FUT8: variants seen among roughly 807,000 people sequenced by gnomAD.
FUT8 encodes the protein fucosyltransferase 8, also known as alpha-(1,6)-fucosyltransferase.
A neutral mutation model predicts 71.3 loss-of-function variants in FUT8; 29 were observed. That is an observed-to-expected ratio of 0.41 (90% CI 0.30 to 0.55). The LOEUF is 0.55. FUT8 is among the 20% of genes least tolerant of loss of function. FUT8 has a pLI of 0.34. For missense variants in FUT8, 544 were observed against 702.1 expected (o/e 0.77, Z 2.55); for synonymous variants, 254 against 239.3 (o/e 1.06, Z -0.57).
At chr14:65,451,796 T>C (rs2065830402) in intron 1 of FUT8, among the ~76,000 whole-genome samples, 1 of 152,222 alleles carries the variant, frequency 6.6e-6, no homozygotes, top group Non-Finnish European at 1.5e-5. Context: ...CAAGCTGTCC[T>C]TCTGAAGTCA....
chr14:65,427,283 A>G (rs543306182), intron 1 of FUT8, among the ~76,000 whole-genome samples: 2 of 152,200 alleles, frequency 1.3e-5, no homozygotes, highest in East Asian at 3.9e-4. Context: ...TGACATACTG[A>G]TTTCATTTCC....
At chr14:65,541,761 T>C (rs1032333124) in intron 2 of FUT8, among the ~76,000 whole-genome samples, 7 of 152,210 alleles carry the variant, frequency 4.6e-5, no homozygotes, top group African/African-American at 1.7e-4. Flanking sequence ...CCCAGTCACG[T>C]TGACATAAAA....
intron 1 of FUT8, among the ~76,000 whole-genome samples, chr14:65,422,572 C>T (rs1338401626): frequency 6.6e-6 from 1 of 152,058 alleles, no homozygotes; most frequent in African/African-American, 2.4e-5. Flanking sequence ...GATCATAGCT[C>T]ACCGCAGTCT....
At chr14:65,459,541 G>A (rs2065942444) in intron 2 of FUT8, among the ~76,000 whole-genome samples, 1 of 152,062 alleles carries the variant, frequency 6.6e-6, no homozygotes, top group African/African-American at 2.4e-5. Flanking sequence ...ATATTAAATT[G>A]AGTAATTTAA....
chr14:65,623,917 C>T (rs1315200772), intron 5 of FUT8, among the ~76,000 whole-genome samples: 1 of 152,160 alleles, frequency 6.6e-6, no homozygotes, highest in Admixed American at 6.5e-5. Context: ...AAAACCACAA[C>T]AGCCAGATTC....
At chr14:65,579,370 C>G (rs1886956917) in intron 3 of FUT8, among the ~76,000 whole-genome samples, 1 of 152,042 alleles carries the variant, frequency 6.6e-6, no homozygotes, top group African/African-American at 2.4e-5. Context: ...TTTGTGTGAT[C>G]AGAGATCCCC....
chr14:65,469,907 C>T (rs2066111247), intron 2 of FUT8, among the ~76,000 whole-genome samples: 2 of 152,186 alleles, frequency 1.3e-5, no homozygotes, highest in Admixed American at 6.5e-5. Flanking sequence ...CACCACAAGC[C>T]CCCACTGCAG....
At chr14:65,418,064 G>C (rs2065243368) in intron 1 of FUT8, among the ~76,000 whole-genome samples, 1 of 152,128 alleles carries the variant, frequency 6.6e-6, no homozygotes, top group Non-Finnish European at 1.5e-5. Context: ...GTTTATTTTA[G>C]AACCTGAGTA....
chr14:65,408,990 A>G (rs1555358218), upstream of FUT8, among the ~76,000 whole-genome samples: 1 of 152,046 alleles, frequency 6.6e-6, no homozygotes, highest in African/African-American at 2.4e-5. Flanking sequence ...TTTTCCCTAT[A>G]TTTCATTTTT....
rs115311373 is a variant in FUT8 at position 65,695,864 on chromosome 14, A to G, written c.836-25911A>G. Among the ~76,000 whole-genome samples the G allele has an allele frequency of 4.9e-3, 743 of 152,092 alleles. 8 individuals are homozygous for G. The highest frequency in any genetic ancestry group is 0.017 in the African/African-American group (708 of 41,504). ...TTCTCTGGTTTTAATGGGTCATTTT[A>G]TAATGATTCCATTTTTTATTATGTC... On this transcript the variant is annotated intron_variant, in intron 7 of 10. Coordinates refer to ENST00000673929, the MANE Select transcript of FUT8 (RefSeq NM_001371533.1).
chr14:65,532,541 A>G (rs975823320), intron 2 of FUT8, among the ~76,000 whole-genome samples: 6 of 152,290 alleles, frequency 3.9e-5, no homozygotes, highest in African/African-American at 1.4e-4. Context: ...GACCTTTGTC[A>G]GATTCATAGA....
chr14:65,667,087 C>G lies in FUT8; in HGVS notation c.598-2156C>G, dbSNP rs1158047806. 2.0e-5 allele frequency among the ~76,000 whole-genome samples: 3 copies of G among 152,094 alleles called. No homozygotes were observed. The East Asian group carries it at 5.8e-4, about 29-fold the overall frequency. ...ATACTGAGTGGACAAAAGCTGGAAG[C>G]CTTCCCCTTGAGAACCAGAACAAGA... On this transcript the variant is annotated intron_variant, in intron 6 of 10. Coordinates refer to ENST00000673929, the MANE Select transcript of FUT8 (RefSeq NM_001371533.1).
intron 6 of FUT8, among the ~76,000 whole-genome samples, chr14:65,651,830 G>A (rs1352622583): frequency 1.3e-5 from 2 of 152,198 alleles, no homozygotes; most frequent in Admixed American, 1.3e-4. Context: ...TATAAATTAT[G>A]CAGTCTGAAC....
At chr14:65,417,262 T>A (rs1049437503) in intron 1 of FUT8, among the ~76,000 whole-genome samples, 3 of 152,156 alleles carry the variant, frequency 2.0e-5, no homozygotes, top group African/African-American at 7.2e-5. Context: ...AAAAAATGGA[T>A]TAGTTTCAAA....
chr14:65,362,029 C>T, the FUT8 span, among the ~76,000 whole-genome samples: 2 of 152,144 alleles, frequency 1.3e-5, no homozygotes, highest in African/African-American at 4.8e-5. Context: ...AACCCTCCAG[C>T]CTGCCAATGG....
intron 9 of FUT8, among the ~76,000 whole-genome samples, chr14:65,726,221 G>T (rs1008522451): frequency 6.6e-6 from 1 of 152,204 alleles, no homozygotes; most frequent in Admixed American, 6.5e-5. Flanking sequence ...TACTAATTTT[G>T]TCTACTCTTT....
intron 6 of FUT8, among the ~76,000 whole-genome samples, chr14:65,633,004 T>TCCCCCCAC (rs1157614092): frequency 3.0e-3 from 236 of 78,030 alleles, no homozygotes; most frequent in Middle Eastern, 0.011. Context: ...CCCTCTCCCC[T>TCCCCCCAC]CCCCCCCCCC....
intron 3 of FUT8, among the ~76,000 whole-genome samples, chr14:65,584,732 C>T (rs1192468960): frequency 6.6e-6 from 1 of 152,132 alleles, no homozygotes; most frequent in East Asian, 1.9e-4. Context: ...ACATATATTA[C>T]TTGTAATTTA....
rs148893078 is a variant in FUT8, at chr14:65,641,740, T to G, written c.597+12134T>G. On this transcript the variant is annotated intron_variant, in intron 6 of 10. Coordinates refer to ENST00000673929, the MANE Select transcript of FUT8 (RefSeq NM_001371533.1). The stretch of plus-strand genomic sequence containing the variant: ...TGTAGGGGTATGTCATGGTTTTTTT[T>G]TGTGTGTATGTGGTTTTTTTTTTTT... Among the ~76,000 whole-genome samples the G allele has an allele frequency of 4.4e-3, 603 of 137,890 alleles. 3 individuals are homozygous for G. Among genetic ancestry groups the G allele is most frequent in the African/African-American group, 5.4e-3 (212 of 39,118 alleles). The allele number at this position is 137,890 out of a possible 152,430, so 90.5% of individuals were successfully genotyped here. A position where few individuals can be genotyped will look rare whatever the true frequency, so the allele number is the denominator to read the frequency against.
Sources: allele counts gnomAD v4.1 joint callset (sites outside exome capture counted in the v4.1 genomes callset), GRCh38; gene constraint gnomAD v4.1.1; transcripts MANE v1.5; gene names NCBI Gene and HGNC (gene_info 2026-07-23, HGNC 2026-07-21).